COL27A1: variants seen among roughly 807,000 people sequenced by gnomAD.
The protein encoded by COL27A1 is collagen alpha-1(XXVII) chain.
In COL27A1, 106 loss-of-function variants were observed where a neutral mutation model predicts 251.3. The observed-to-expected ratio is 0.42, with a 90% CI of 0.36 to 0.50. The LOEUF (loss-of-function observed/expected upper bound fraction) is 0.50, where lower values mean the gene tolerates loss of function less well. COL27A1 is among the 20% of genes least tolerant of loss of function. The pLI is 0.00. For synonymous variants in COL27A1, 1,000 were observed against 986.3 expected, an observed-to-expected ratio of 1.01 and a Z score of -0.26; for missense variants, 2,325 against 2,522.8, an observed-to-expected ratio of 0.92 and a Z score of 1.68.
intron 45 of COL27A1, among the ~76,000 whole-genome samples, chr9:114,289,828 T>C (rs1827782987): frequency 6.6e-6 from 1 of 151,734 alleles, no homozygotes; most frequent in Non-Finnish European, 1.5e-5. Flanking sequence ...TCCCAGAAAA[T>C]TGTCAATGCC....
intron 7 of COL27A1, among the ~76,000 whole-genome samples, chr9:114,196,549 G>GCTTC (rs1829148578): frequency 6.6e-6 from 1 of 152,204 alleles, no homozygotes; most frequent in Non-Finnish European, 1.5e-5. Flanking sequence ...TCCTACTCCT[G>GCTTC]CTTCTGCCAT....
chr9:114,188,599 G>A (rs1828542500), intron 5 of COL27A1, among the ~76,000 whole-genome samples: 1 of 152,048 alleles, frequency 6.6e-6, no homozygotes. Context: ...CATATATCAA[G>A]ACATATACCA....
rs779029948 is a variant in COL27A1 at position 114,245,148 on chromosome 9, G to GTT, written c.2935-691_2935-690dup. Among the ~76,000 whole-genome samples, 35 of 101,298 alleles carry GTT rather than the reference G, an allele frequency of 3.5e-4. 1 individual carries two copies. Among genetic ancestry groups the GTT allele is most frequent in the South Asian group, 6.6e-4 (2 of 3,022 alleles). 66.5% of individuals were successfully genotyped at this position (101,298 alleles called of 152,430 possible). On this transcript the variant is annotated intron_variant, in intron 23 of 60. Transcript: ENST00000356083. The stretch of plus-strand genomic sequence containing the variant: ...TGATGCAGTGGGAATGTGCATTCTT[G>GTT]TTTTTTTTTTTTTTTTTTTTTTTTT...
At chr9:114,283,850 C>T in intron 40 of COL27A1, 88 bp downstream of exon 40, 2 of 1,363,664 alleles carry the variant, frequency 1.5e-6, no homozygotes, top group East Asian at 2.3e-5. Context: ...CCCACCACCT[C>T]CCAGCTGAAG....
chr9:114,209,436 C>T, intron 10 of COL27A1: 1 of 764,414 alleles, frequency 1.3e-6, no homozygotes. Context: ...TGCGCCCTTC[C>T]CTGGCGTGAG....
intron 24 of COL27A1, 143 bp from the exon 25 acceptor site, chr9:114,250,472 C>T (rs1322758582): frequency 1.4e-5 from 10 of 704,446 alleles, no homozygotes; most frequent in Non-Finnish European, 2.5e-5. Context: ...AGAGGCAGCG[C>T]TCTCCCCGGC....
At chr9:114,258,387 T>C (rs1161007889) in intron 27 of COL27A1, among the ~76,000 whole-genome samples, 154 bp from the exon 28 acceptor site, 1 of 152,122 alleles carries the variant, frequency 6.6e-6, no homozygotes, top group Non-Finnish European at 1.5e-5. Flanking sequence ...AGGTGCCCAG[T>C]CCTTCCATGT....
chr9:114,242,544 C>T (rs1832829751), intron 22 of COL27A1, among the ~76,000 whole-genome samples: 3 of 152,252 alleles, frequency 2.0e-5, no homozygotes, highest in Admixed American at 2.0e-4. Context: ...CTCGACATCT[C>T]ACAGCCAGGC....
chr9:114,298,870 G>A (rs1687402), intron 49 of COL27A1, among the ~76,000 whole-genome samples: 90,348 of 151,982 alleles, frequency 0.59, 28,617 homozygotes, highest in East Asian at 0.87. Context: ...AAGTATTTAC[G>A]AATCATATCT....
chr9:114,163,529 C>G (rs774170246), intron 2 of COL27A1, among the ~76,000 whole-genome samples: 1 of 152,246 alleles, frequency 6.6e-6, no homozygotes, highest in African/African-American at 2.4e-5. Flanking sequence ...GCCGGGGCAG[C>G]GATGGGCTGG....
intron 37 of COL27A1, among the ~76,000 whole-genome samples, chr9:114,279,192 G>A (rs1835756518): frequency 6.6e-6 from 1 of 152,196 alleles, no homozygotes. Context: ...GACCAGCCTG[G>A]AAGGAGAGGT....
At chr9:114,159,226 T>C (rs1447239259) in intron 1 of COL27A1, among the ~76,000 whole-genome samples, 2 of 152,228 alleles carry the variant, frequency 1.3e-5, no homozygotes, top group African/African-American at 4.8e-5. Context: ...TGATTCCATG[T>C]CTCCTGTGGA....
chr9:114,211,492 C>T (rs1181699406), intron 12 of COL27A1, among the ~76,000 whole-genome samples: 4 of 152,240 alleles, frequency 2.6e-5, no homozygotes, highest in African/African-American at 9.6e-5. Flanking sequence ...GGGCAGTGCC[C>T]ACAGCAGGCA....
At chr9:114,260,855 T>C (rs1834272458) in intron 28 of COL27A1, among the ~76,000 whole-genome samples, 1 of 152,070 alleles carries the variant, frequency 6.6e-6, no homozygotes, top group Non-Finnish European at 1.5e-5. Context: ...TCCCACCTGC[T>C]CAGGTTAGAG....
intron 1 of COL27A1, 29 bp from the exon 2 acceptor site, chr9:114,162,686 C>T (rs773851554): frequency 2.7e-5 from 42 of 1,558,762 alleles, no homozygotes; most frequent in African/African-American, 8.2e-5. Flanking sequence ...AAGCTGATGC[C>T]GCCTCTGCTT....
chr9:114,175,483 G>C (rs1827356540), intron 3 of COL27A1, among the ~76,000 whole-genome samples: 1 of 152,244 alleles, frequency 6.6e-6, no homozygotes, highest in Non-Finnish European at 1.5e-5. Context: ...GGAGGGTCCA[G>C]CCCGTGGCTA....
At chr9:114,210,675 G>A (rs10982107) in intron 11 of COL27A1, among the ~76,000 whole-genome samples, 2 of 151,864 alleles carry the variant, frequency 1.3e-5, no homozygotes, top group African/African-American at 4.8e-5. Flanking sequence ...ACCTGAGCCC[G>A]TATCTATGGG....
At chr9:114,303,283 G>A (rs1365998410) in intron 56 of COL27A1, among the ~76,000 whole-genome samples, 1 of 141,762 alleles carries the variant, frequency 7.1e-6, no homozygotes, top group Non-Finnish European at 1.5e-5. Flanking sequence ...CTGTCTCCCA[G>A]GCTGGAGTGC....
intron 12 of COL27A1, chr9:114,217,839 C>A (rs531987130): frequency 8.5e-6 from 4 of 470,238 alleles, no homozygotes; most frequent in African/African-American, 2.0e-5. Context: ...CCTGGCTGGA[C>A]GCCATGGCTC....
Sources: allele counts gnomAD v4.1 joint callset (sites outside exome capture counted in the v4.1 genomes callset), GRCh38; gene constraint gnomAD v4.1.1; transcripts MANE v1.5; gene names NCBI Gene and HGNC (gene_info 2026-07-23, HGNC 2026-07-21).